OSTN: variants seen among roughly 807,000 people sequenced by gnomAD.
The protein encoded by OSTN is osteocrin.
A neutral mutation model predicts 12.0 loss-of-function variants in OSTN; 9 were observed. The observed-to-expected ratio is 0.75, with a 90% CI of 0.45 to 1.30. The LOEUF (loss-of-function observed/expected upper bound fraction) is 1.30, where lower values mean the gene tolerates loss of function less well. Ranked by LOEUF, OSTN falls within the 50% of genes most tolerant of loss-of-function variation. The pLI, the probability that OSTN is intolerant of heterozygous loss-of-function variation, is 0.00. For synonymous variants in OSTN, 59 were observed against 56.9 expected (o/e 1.04, Z -0.16); for missense variants, 148 against 152.3 (o/e 0.97, Z 0.15).
intron 2 of OSTN, among the ~76,000 whole-genome samples, chr3:191,214,332 C>T: frequency 6.7e-6 from 1 of 149,548 alleles, no homozygotes; most frequent in Non-Finnish European, 1.5e-5. Context: ...CCTGTAGTCC[C>T]TGCTGCTTGG....
chr3:191,250,120 A>G lies in OSTN; in HGVS notation c.401A>G (p.Ter134=). 1 of 1,599,034 alleles carries G rather than the reference A, an allele frequency of 6.3e-7. No homozygotes were observed. The highest frequency in any genetic ancestry group is 1.7e-4 in the Middle Eastern group (1 of 6,030). Residue 134 remains the stop codon, a stop_retained_variant, in exon 4 of 5, where the codon TAA becomes TGA. Transcript: ENST00000682035. The part of the protein sequence containing the change: ...GRNRLSNSRG[*] ...AACCGGCTTTCAAATTCCAGAGGCT[A>G]ATTGATTCCAATTGTGAGTACAATT...
intron 3 of OSTN, among the ~76,000 whole-genome samples, chr3:191,226,373 AC>A (rs1714910268): frequency 6.6e-6 from 1 of 152,220 alleles, no homozygotes; most frequent in Admixed American, 6.5e-5. Flanking sequence ...CAGAATAAGA[AC>A]TGAGAAACAC....
At chr3:191,202,390 G>C (rs1349345476) in intron 1 of OSTN, among the ~76,000 whole-genome samples, 1 of 152,198 alleles carries the variant, frequency 6.6e-6, no homozygotes, top group Admixed American at 6.5e-5. Context: ...ACCTGAACCA[G>C]GCTGTGAGCA....
intron 3 of OSTN, among the ~76,000 whole-genome samples, chr3:191,249,504 G>A (rs895059855): frequency 6.6e-6 from 1 of 151,876 alleles, no homozygotes; most frequent in Non-Finnish European, 1.5e-5. Context: ...AGCAAATGTC[G>A]ACCATCACAT....
chr3:191,259,488 A>C (rs1715753859), intron 4 of OSTN, among the ~76,000 whole-genome samples: 1 of 128,494 alleles, frequency 7.8e-6, no homozygotes, highest in African/African-American at 2.8e-5. Flanking sequence ...GGCGTGAGCC[A>C]CCTTGCCTGG....
chr3:191,211,387 A>G (rs1365809389), intron 1 of OSTN, among the ~76,000 whole-genome samples: 1 of 152,218 alleles, frequency 6.6e-6, no homozygotes, highest in Admixed American at 6.5e-5. Context: ...ATCTCAATTA[A>G]TAAATCTATT....
At chr3:191,244,599 TATAA>T (rs2108548822) in intron 3 of OSTN, among the ~76,000 whole-genome samples, 1 of 147,834 alleles carries the variant, frequency 6.8e-6, no homozygotes, top group South Asian at 2.1e-4. Context: ...ATAAATATAA[TATAA>T]ATATATTTAT....
chr3:191,237,067 G>A (rs893732607), intron 3 of OSTN, among the ~76,000 whole-genome samples: 9 of 152,254 alleles, frequency 5.9e-5, no homozygotes, highest in African/African-American at 1.9e-4. Flanking sequence ...CAAGCAGGAG[G>A]GGAAAAATGG....
intron 3 of OSTN, among the ~76,000 whole-genome samples, chr3:191,238,244 G>A (rs1396935163): frequency 6.6e-6 from 1 of 152,126 alleles, no homozygotes; most frequent in African/African-American, 2.4e-5. Flanking sequence ...CAAAGTTGAA[G>A]ATACTTGCGG....
intron 3 of OSTN, among the ~76,000 whole-genome samples, chr3:191,245,485 T>C (rs888536722): frequency 3.9e-5 from 6 of 152,036 alleles, no homozygotes; most frequent in Non-Finnish European, 7.4e-5. Context: ...GTAAATCAAG[T>C]AGAACACAAA....
chr3:191,218,647 GATGAGT>G, intron 2 of OSTN, 94 bp from the exon 3 acceptor site: 1 of 919,292 alleles, frequency 1.1e-6, no homozygotes, highest in Non-Finnish European at 1.7e-6. Context: ...GATGTTACAT[GATGAGT>G]ATGTCAGCTA....
chr3:191,222,332 A>G (rs917610694), intron 3 of OSTN, among the ~76,000 whole-genome samples: 2 of 151,884 alleles, frequency 1.3e-5, no homozygotes, highest in African/African-American at 4.8e-5. Context: ...TCGTGAAAGC[A>G]GCCAAGAGGG....
At chr3:191,205,564 T>C (rs1468659503) in intron 1 of OSTN, among the ~76,000 whole-genome samples, 2 of 151,920 alleles carry the variant, frequency 1.3e-5, no homozygotes, top group East Asian at 3.8e-4. Context: ...TCTTCACCAA[T>C]TTTATATCTA....
chr3:191,256,374 A>T (rs1344288981), intron 4 of OSTN, among the ~76,000 whole-genome samples: 1 of 152,162 alleles, frequency 6.6e-6, no homozygotes, highest in Non-Finnish European at 1.5e-5. Flanking sequence ...TTAAAAAGGT[A>T]GTTGAGGTAA....
At chr3:191,233,835 A>C (rs1177277691) in intron 3 of OSTN, among the ~76,000 whole-genome samples, 1 of 152,082 alleles carries the variant, frequency 6.6e-6, no homozygotes, top group Non-Finnish European at 1.5e-5. Context: ...CTCTACTAAA[A>C]ATACAAAATT....
chr3:191,236,966 T>C (rs1715206248), intron 3 of OSTN, among the ~76,000 whole-genome samples: 1 of 152,174 alleles, frequency 6.6e-6, no homozygotes. Flanking sequence ...ATTATGTTGA[T>C]ATAAATTACA....
intron 4 of OSTN, among the ~76,000 whole-genome samples, chr3:191,256,037 A>G (rs1479568253): frequency 6.6e-6 from 1 of 152,108 alleles, no homozygotes; most frequent in African/African-American, 2.4e-5. Context: ...ACCTTTTAAG[A>G]AGAGTCAGAG....
At chr3:191,212,728 T>TTC in intron 2 of OSTN, 94 bp downstream of exon 2, 2 of 266,212 alleles carry the variant, frequency 7.5e-6, no homozygotes, top group Non-Finnish European at 1.3e-5. Context: ...TTAAAATATA[T>TTC]TTCATATACG....
chr3:191,234,696 G>GGA (rs769018920), intron 3 of OSTN: 1 of 79,374 alleles, frequency 1.3e-5, no homozygotes, highest in African/African-American at 4.8e-5. Flanking sequence ...GACACCATCT[G>GGA]AAAAAAAAAA....
Sources: gnomAD v4.1 joint callset for allele counts (sites outside exome capture counted in the v4.1 genomes callset) on GRCh38, gnomAD v4.1.1 for gene constraint, MANE v1.5 for transcripts, NCBI Gene and HGNC (gene_info 2026-07-23, HGNC 2026-07-21) for gene names.